RARRES1: variants seen among roughly 807,000 people sequenced by gnomAD.
RARRES1 encodes the protein retinoic acid receptor responder 1, also known as retinoic acid receptor responder protein 1.
In RARRES1, 34 loss-of-function variants were observed where a neutral mutation model predicts 30.6. That is an observed-to-expected ratio of 1.11 (90% CI 0.84 to 1.48). The LOEUF (loss-of-function observed/expected upper bound fraction) is 1.48, where lower values mean the gene tolerates loss of function less well. Ranked by LOEUF, RARRES1 falls within the 40% of genes most tolerant of loss-of-function variation. RARRES1 has a pLI of 0.00. For missense variants in RARRES1, 373 were observed against 386.5 expected (o/e 0.97, Z 0.29); for synonymous variants, 153 against 155.5 (o/e 0.98, Z 0.12).
At chr3:158,704,252 AG>A (rs140635497) in intron 4 of RARRES1, among the ~76,000 whole-genome samples, 17,875 of 117,038 alleles carry the variant, frequency 0.15, 1,633 homozygotes, top group Admixed American at 0.22. Flanking sequence ...TTTGAGACAG[AG>A]ATGGCATCTC....
At position 158,723,613 on chromosome 3, in the gene RARRES1, T is replaced by C. The variant is rs1727581055; in HGVS notation, c.276+8527A>G. On this transcript the variant is annotated intron_variant, in intron 1 of 5. Coordinates refer to ENST00000237696, the MANE Select transcript of RARRES1 (RefSeq NM_206963.2). This position sits in a 1 kb window ranked among gnomAD's most constrained non-coding sequence, Gnocchi z 4.4. ...TTTGCTTTCTCAGGCTAAGTAGCAA[T>C]GGAGAGGAAAGCCAGAATACTGTGT... Among the ~76,000 whole-genome samples the C allele has an allele frequency of 6.6e-6, 1 of 152,234 alleles. No individual in the cohort carries two copies. Among genetic ancestry groups the C allele is most frequent in the South Asian group, 2.1e-4 (1 of 4,828 alleles).
chr3:158,724,444 G>A (rs1446942601), intron 1 of RARRES1, among the ~76,000 whole-genome samples: 2 of 152,164 alleles, frequency 1.3e-5, no homozygotes, highest in East Asian at 3.8e-4. Flanking sequence ...CCTATGAGAA[G>A]CAGACAGTAG....
intron 3 of RARRES1, among the ~76,000 whole-genome samples, chr3:158,706,169 T>C (rs1726917837): frequency 1.3e-5 from 2 of 152,202 alleles, no homozygotes; most frequent in African/African-American, 2.4e-5. Flanking sequence ...ACAGCATTCA[T>C]TGATTTCTTG....
At chr3:158,705,248 C>T (rs541741732) in intron 3 of RARRES1, among the ~76,000 whole-genome samples, 13 of 152,242 alleles carry the variant, frequency 8.5e-5, no homozygotes, top group African/African-American at 1.9e-4. Flanking sequence ...TTGTCTTCTC[C>T]GAACCCACTG....
chr3:158,709,253 A>G (rs1372158749), intron 3 of RARRES1, among the ~76,000 whole-genome samples: 1 of 152,222 alleles, frequency 6.6e-6, no homozygotes, highest in Non-Finnish European at 1.5e-5. Context: ...AAGAGTGTCT[A>G]AAGTCTCGTG....
chr3:158,709,914 C>T (rs1424141563), intron 3 of RARRES1, among the ~76,000 whole-genome samples: 1 of 152,210 alleles, frequency 6.6e-6, no homozygotes, highest in African/African-American at 2.4e-5. Context: ...GAGACAGCAC[C>T]ACTGCCCATT....
In RARRES1 at chr3:158,697,961, CATT is replaced by C; in HGVS notation, c.679_681del (p.Asn227del). The stretch of plus-strand genomic sequence containing the variant: ...GTATAATCAAAATCAATTGTATCAT[CATT>C]AGTTTTCTAGAGGGAGAAAAAAGAG... On this transcript the variant is annotated inframe_deletion, in exon 5 of 6. Coordinates refer to ENST00000237696, the MANE Select transcript of RARRES1 (RefSeq NM_206963.2). The C allele has an allele frequency of 6.6e-7, 1 of 1,522,986 alleles. No homozygotes were observed. 94.3% of individuals were successfully genotyped at this position (1,522,986 alleles called of 1,614,324 possible). A position where few individuals can be genotyped will look rare whatever the true frequency, so the allele number is the denominator to read the frequency against.
intron 1 of RARRES1, among the ~76,000 whole-genome samples, chr3:158,720,273 TGAGAGA>T (rs968371151): frequency 4.2e-4 from 61 of 144,534 alleles, no homozygotes; most frequent in Middle Eastern, 3.5e-3. Flanking sequence ...TGTATGTGTG[TGAGAGA>T]GAGAGAGAGA....
At chr3:158,709,575 C>T (rs75266602) in intron 3 of RARRES1, among the ~76,000 whole-genome samples, 2 of 152,228 alleles carry the variant, frequency 1.3e-5, no homozygotes, top group East Asian at 1.9e-4. Flanking sequence ...TATTCCACTT[C>T]GAGGTTTTTA....
intron 1 of RARRES1, among the ~76,000 whole-genome samples, chr3:158,722,908 C>T (rs960376098): frequency 6.7e-6 from 1 of 150,320 alleles, no homozygotes; most frequent in Non-Finnish European, 1.5e-5. Flanking sequence ...AATCTAACAT[C>T]CCCTTTAAAC....
chr3:158,721,280 G>A (rs1727503451), intron 1 of RARRES1, among the ~76,000 whole-genome samples: 1 of 152,138 alleles, frequency 6.6e-6, no homozygotes, highest in Admixed American at 6.5e-5. Context: ...CTCTTACAGG[G>A]ACTTCATTCT....
chr3:158,725,165 C>G (rs1727645752), intron 1 of RARRES1, among the ~76,000 whole-genome samples: 1 of 152,126 alleles, frequency 6.6e-6, no homozygotes, highest in Non-Finnish European at 1.5e-5. Context: ...CTAGGGACAT[C>G]CTGAACAACC....
At chr3:158,721,794 G>C (rs1727519648) in intron 1 of RARRES1, among the ~76,000 whole-genome samples, 1 of 152,084 alleles carries the variant, frequency 6.6e-6, no homozygotes, top group Non-Finnish European at 1.5e-5. Context: ...GCTATTCTTT[G>C]AGAAGGAACA....
At chr3:158,724,539 G>A (rs6783610) in intron 1 of RARRES1, among the ~76,000 whole-genome samples, 28,741 of 151,976 alleles carry the variant, frequency 0.19, 2,848 homozygotes, top group Non-Finnish European at 0.23. Flanking sequence ...TCTAGAAGCC[G>A]GAAATGGATT....
At chr3:158,731,460 A>G (rs1314055448) in intron 1 of RARRES1, among the ~76,000 whole-genome samples, 1 of 152,240 alleles carries the variant, frequency 6.6e-6, no homozygotes, top group African/African-American at 2.4e-5. Flanking sequence ...CCTACAGTCA[A>G]TGCCTTGAAA....
chr3:158,717,217 C>T (rs1727350448), intron 1 of RARRES1, among the ~76,000 whole-genome samples: 1 of 152,212 alleles, frequency 6.6e-6, no homozygotes, highest in Non-Finnish European at 1.5e-5. Context: ...TGTTCAACAA[C>T]ATCACTCCAT....
In RARRES1 at chr3:158,723,370, G is replaced by T. The variant is rs1727575894; in HGVS notation, c.276+8770C>A. ...ATGAGTCAGGCTTGGTTGGAGATAAGTAAACAACTCATTTGTGCATAGAAA... is the reference window on the plus strand; with the variant it reads ...ATGAGTCAGGCTTGGTTGGAGATAATTAAACAACTCATTTGTGCATAGAAA... On this transcript the variant is annotated intron_variant, in intron 1 of 5. Transcript: ENST00000237696. The surrounding 1 kb of genome is among the most constrained non-coding windows in gnomAD (Gnocchi z 4.4). Among the ~76,000 whole-genome samples the T allele has an allele frequency of 6.6e-6, 1 of 152,222 alleles. No homozygotes were observed. Among genetic ancestry groups the T allele is most frequent in the Admixed American group, 6.5e-5 (1 of 15,282 alleles).
chr3:158,708,632 C>G lies in RARRES1; in HGVS notation c.535+2106G>C, dbSNP rs544974700. On this transcript the variant is annotated intron_variant, in intron 3 of 5. Transcript: ENST00000237696. ...CCCATTGTACTACAACAGTCCAATG[C>G]CTTGGATCCATTAAATACTGAATAG... Among the ~76,000 whole-genome samples, 15 of 151,926 alleles carry G rather than the reference C, an allele frequency of 9.9e-5. 1 individual carries two copies. The South Asian group carries it at 3.1e-3, about 32-fold the overall frequency.
chr3:158,731,865 C>T (rs543016430), intron 1 of RARRES1, among the ~76,000 whole-genome samples: 87 of 152,352 alleles, frequency 5.7e-4, no homozygotes, highest in African/African-American at 2.0e-3. Flanking sequence ...TGGGAGCAGT[C>T]AAGAGCGCTG....
Sources: allele counts gnomAD v4.1 joint callset (sites outside exome capture counted in the v4.1 genomes callset), GRCh38; gene constraint gnomAD v4.1.1; non-coding constraint Gnocchi (gnomAD v3.1); transcripts MANE v1.5; gene names NCBI Gene and HGNC (gene_info 2026-07-23, HGNC 2026-07-21).